Variants in NR3C2 observed in about 807,000 individuals in gnomAD.
NR3C2 encodes the protein nuclear receptor subfamily 3 group C member 2.
In NR3C2, 15 loss-of-function variants were observed where a neutral mutation model predicts 86.4. The ratio of observed to expected loss-of-function variants is 0.17; its 90% CI spans 0.12 to 0.27. The LOEUF is 0.27. NR3C2 is among the 10% of genes least tolerant of loss of function. NR3C2 has a pLI of 1.00. For missense variants in NR3C2, 960 were observed against 1,195.6 expected (o/e 0.80, Z 2.91); for synonymous variants, 458 against 450.5 (o/e 1.02, Z -0.21).
intron 4 of NR3C2, among the ~76,000 whole-genome samples, chr4:148,155,142 TA>T: frequency 6.6e-6 from 1 of 152,166 alleles, no homozygotes; most frequent in Non-Finnish European, 1.5e-5. Flanking sequence ...CTGTCTCCTA[TA>T]AGAGACTGTA....
chr4:148,091,051 G>C (rs539547518), intron 8 of NR3C2, among the ~76,000 whole-genome samples: 32 of 152,374 alleles, frequency 2.1e-4, no homozygotes, highest in African/African-American at 7.0e-4. Flanking sequence ...GGGGCGGCTA[G>C]GATGCCCACA....
intron 8 of NR3C2, among the ~76,000 whole-genome samples, chr4:148,106,142 G>T (rs1170720568): frequency 6.6e-6 from 1 of 152,190 alleles, no homozygotes; most frequent in African/African-American, 2.4e-5. Context: ...ATCTCCTTAA[G>T]CTGATAAGCA....
chr4:148,161,517 T>G (rs1560953706), intron 4 of NR3C2, among the ~76,000 whole-genome samples: 1 of 151,998 alleles, frequency 6.6e-6, no homozygotes, highest in Non-Finnish European at 1.5e-5. Context: ...ACCTGGCTAA[T>G]TTTTTTTAAA....
At position 148,163,468 on chromosome 4, in the gene NR3C2, C is replaced by T. The variant is rs563606665; in HGVS notation, c.2015-8567G>A. On this transcript the variant is annotated intron_variant, in intron 4 of 8. Transcript: ENST00000358102. ...GTGGTAAAAGATAATTTCAGAAATA[C>T]GTTTCCAAAATATGCACAAAGGGCA... is the stretch of plus-strand genomic sequence containing the variant. Among the ~76,000 whole-genome samples, 12 of 152,232 alleles carry T rather than the reference C, an allele frequency of 7.9e-5. No homozygotes were observed. The South Asian group carries it at 8.3e-4, about 11-fold the overall frequency.
intron 2 of NR3C2, among the ~76,000 whole-genome samples, chr4:148,271,738 G>T (rs1013061764): frequency 3.3e-5 from 5 of 151,972 alleles, no homozygotes; most frequent in Non-Finnish European, 7.3e-5. Flanking sequence ...AGAGCCGTGG[G>T]TATACTTGGC....
Position 148,100,125 on chromosome 4 carries a change from T to C in NR3C2, c.2799+13979A>G, listed in dbSNP as rs917919317. 3.4e-4 allele frequency among the ~76,000 whole-genome samples: 51 copies of C among 152,176 alleles called. 1 individual carries two copies. The highest frequency in any genetic ancestry group is 2.7e-3 in the Admixed American group (42 of 15,276). On this transcript the variant is annotated intron_variant, in intron 8 of 8. Transcript: ENST00000358102. ...ATGAAGCACGAGGAGCTGGTGATCA[T>C]AAGAAAAATACTTTTTTCCCTTCTT...
At chr4:148,184,691 A>G (rs1003191035) in intron 4 of NR3C2, among the ~76,000 whole-genome samples, 2 of 152,236 alleles carry the variant, frequency 1.3e-5, no homozygotes, top group African/African-American at 4.8e-5. Context: ...GATGGATTTT[A>G]TAAAATAGAT....
At chr4:148,257,250 T>C (rs145338758) in intron 3 of NR3C2, among the ~76,000 whole-genome samples, 2 of 152,126 alleles carry the variant, frequency 1.3e-5, no homozygotes, top group African/African-American at 4.8e-5. Flanking sequence ...CAAACATACA[T>C]CCATACATAT....
chr4:148,135,478 T>C (rs370897337), intron 6 of NR3C2, among the ~76,000 whole-genome samples: 39 of 152,318 alleles, frequency 2.6e-4, no homozygotes, highest in African/African-American at 9.4e-4. Flanking sequence ...TGCTGGCACC[T>C]GCAACTTGAA....
intron 2 of NR3C2, among the ~76,000 whole-genome samples, chr4:148,291,019 C>T (rs185999613): frequency 2.6e-5 from 4 of 152,266 alleles, no homozygotes; most frequent in Admixed American, 1.3e-4. Flanking sequence ...CCATCTTCTG[C>T]ACTCGTCTAC....
At chr4:148,205,720 G>A (rs1219212959) in intron 3 of NR3C2, among the ~76,000 whole-genome samples, 1 of 152,188 alleles carries the variant, frequency 6.6e-6, no homozygotes, top group African/African-American at 2.4e-5. Flanking sequence ...AACGGCACAT[G>A]AATAAGTGCT....
chr4:148,306,536 A>G (rs1742635937), intron 2 of NR3C2, among the ~76,000 whole-genome samples: 1 of 152,268 alleles, frequency 6.6e-6, no homozygotes, highest in South Asian at 2.1e-4. Flanking sequence ...GTTTATTTTT[A>G]TAACACAACA....
intron 2 of NR3C2, among the ~76,000 whole-genome samples, chr4:148,376,410 T>G (rs1233211745): frequency 2.0e-5 from 3 of 152,172 alleles, no homozygotes; most frequent in African/African-American, 7.2e-5. Flanking sequence ...GCTGCTGGTT[T>G]TGTGTGTTTC....
chr4:148,166,283 G>A (rs1311759163), intron 4 of NR3C2, among the ~76,000 whole-genome samples: 3 of 152,148 alleles, frequency 2.0e-5, no homozygotes, highest in Non-Finnish European at 4.4e-5. Context: ...CACAGGGTTG[G>A]TATTGCAGCA....
chr4:148,101,220 T>C (rs1415086362), intron 8 of NR3C2, among the ~76,000 whole-genome samples: 1 of 152,236 alleles, frequency 6.6e-6, no homozygotes, highest in Non-Finnish European at 1.5e-5. Context: ...ACATTCCCCC[T>C]TCTCATTTCT....
chr4:148,192,903 C>T (rs1366309096), intron 4 of NR3C2, among the ~76,000 whole-genome samples: 1 of 152,124 alleles, frequency 6.6e-6, no homozygotes, highest in East Asian at 1.9e-4. Context: ...AGGCTATCTG[C>T]CTCCCAGCAG....
intron 2 of NR3C2, among the ~76,000 whole-genome samples, chr4:148,306,578 A>C (rs1356529303): frequency 2.6e-5 from 4 of 152,254 alleles, no homozygotes; most frequent in Non-Finnish European, 4.4e-5. Flanking sequence ...CAAAGCAGTA[A>C]AGTTTGAATC....
chr4:148,102,859 T>A (rs1731601895), intron 8 of NR3C2, among the ~76,000 whole-genome samples: 1 of 151,960 alleles, frequency 6.6e-6, no homozygotes, highest in African/African-American at 2.4e-5. Context: ...TTTACTTAAT[T>A]TAAATGTAAA....
intron 6 of NR3C2, among the ~76,000 whole-genome samples, chr4:148,139,690 C>A (rs1394527988): frequency 1.3e-5 from 2 of 152,194 alleles, no homozygotes; most frequent in Non-Finnish European, 2.9e-5. Flanking sequence ...CTCCACTGAT[C>A]CAAGTGCACA....
Sources: allele counts gnomAD v4.1 joint callset (sites outside exome capture counted in the v4.1 genomes callset), GRCh38; gene constraint gnomAD v4.1.1; transcripts MANE v1.5; gene names NCBI Gene and HGNC (gene_info 2026-07-23, HGNC 2026-07-21).